RPS6KA1: variants seen among roughly 807,000 people sequenced by gnomAD.
The protein encoded by RPS6KA1 is ribosomal protein S6 kinase A1, also known as ribosomal protein S6 kinase alpha-1.
RPS6KA1 carries 48 observed loss-of-function variants against 91.3 expected under a neutral mutation model. The observed-to-expected ratio is 0.53, with a 90% CI of 0.42 to 0.67. The LOEUF (loss-of-function observed/expected upper bound fraction) is 0.67, where lower values mean the gene tolerates loss of function less well. RPS6KA1 is among the 30% of genes least tolerant of loss of function. The pLI is 0.00. For missense variants in RPS6KA1, 719 were observed against 960.5 expected, an observed-to-expected ratio of 0.75 and a Z score of 3.32; for synonymous variants, 359 against 384.7, an observed-to-expected ratio of 0.93 and a Z score of 0.78.
rs1474539262 is a variant in RPS6KA1, at chr1:26,547,631, C to T, written c.307+361C>T. 6 of 237,826 alleles carry T rather than the reference C, an allele frequency of 2.5e-5. No homozygotes were observed. Among genetic ancestry groups the T allele is most frequent in the South Asian group, 5.0e-5 (1 of 19,806 alleles). The allele number at this position is 237,826 out of a possible 1,614,324, so 14.7% of individuals were successfully genotyped here. A position where few individuals can be genotyped will look rare whatever the true frequency, so the allele number is the denominator to read the frequency against. ...CTAACTCAGGGGCCTGAGAGAAGGG[C>T]GTGAGTGAAGAGGCAGGGAGCCCAG... is the stretch of plus-strand genomic sequence containing the variant. On this transcript the variant is annotated intron_variant, in intron 4 of 21. Transcript: ENST00000374168. The surrounding 1 kb of genome is among the most constrained non-coding windows in gnomAD (Gnocchi z 4.1).
intron 2 of RPS6KA1, among the ~76,000 whole-genome samples, chr1:26,541,742 C>T (rs1446601754): frequency 6.6e-6 from 1 of 152,228 alleles, no homozygotes; most frequent in Non-Finnish European, 1.5e-5. Context: ...GACATCTGTC[C>T]CACTGAGGGA....
At chr1:26,548,618 G>GA (rs1182072159) in intron 4 of RPS6KA1, among the ~76,000 whole-genome samples, 1 of 151,658 alleles carries the variant, frequency 6.6e-6, no homozygotes. Context: ...GCCAACATGG[G>GA]AAAACCCCAT....
At position 26,571,507 on chromosome 1, in the gene RPS6KA1, C is replaced by T; in HGVS notation, c.1649C>T (p.Pro550Leu). 1.2e-6 allele frequency: 2 copies of T among 1,614,200 alleles called. No individual in the cohort carries two copies. Among genetic ancestry groups the T allele is most frequent in the Non-Finnish European group, 1.7e-6 (2 of 1,180,030 alleles). The change falls in exon 18 of 22, where the codon CCC (proline) becomes CTC (leucine). Residue 550 changes from proline to leucine, a missense_variant. Pro to Leu is a moderately conservative substitution (Grantham distance 98, BLOSUM62 -3). Coordinates refer to ENST00000374168, the MANE Select transcript of RPS6KA1 (RefSeq NM_002953.4). The surrounding 1 kb of genome is among the most constrained non-coding windows in gnomAD (Gnocchi z 5.1). Reference sequence around the variant, plus strand: ...CTGTATGTGGACGAGTCCGGGAATCCCGAGTGCCTGCGCATCTGTGACTTT... The same window carrying T: ...CTGTATGTGGACGAGTCCGGGAATCTCGAGTGCCTGCGCATCTGTGACTTT... Reference protein sequence around the residue: ...NILYVDESGNPECLRICDFGF... With the variant: ...NILYVDESGNLECLRICDFGF...
intron 14 of RPS6KA1, 92 bp downstream of exon 14, chr1:26,559,029 C>A: frequency 1.4e-6 from 2 of 1,465,040 alleles, no homozygotes; most frequent in Non-Finnish European, 9.2e-7. Flanking sequence ...AGGTTCATAC[C>A]CTCATGCCAC....
chr1:26,548,342 G>T (rs189199476), intron 4 of RPS6KA1, among the ~76,000 whole-genome samples: 1 of 152,288 alleles, frequency 6.6e-6, no homozygotes, highest in Non-Finnish European at 1.5e-5. Context: ...GCTGGGAGTG[G>T]TGGTGTAGTC....
chr1:26,572,108 C>T, intron 19 of RPS6KA1, 68 bp from the exon 20 acceptor site: 1 of 1,411,300 alleles, frequency 7.1e-7, no homozygotes, highest in Non-Finnish European at 1.0e-6. Context: ...GACACAGTCT[C>T]CCACCGCAGC....
rs565992649 is a variant in RPS6KA1, at chr1:26,554,276, C to T, written c.613+25C>T. Reference sequence around the variant, plus strand: ...GGTGAGTGGAGGGCGCCTGCCCCCTCGGGACCCAGGGGAGGACAGGACAAG... The same window carrying T: ...GGTGAGTGGAGGGCGCCTGCCCCCTTGGGACCCAGGGGAGGACAGGACAAG... On this transcript the variant is annotated intron_variant, in intron 8 of 21. Coordinates refer to ENST00000374168, the MANE Select transcript of RPS6KA1 (RefSeq NM_002953.4). This position sits in a 1 kb window ranked among gnomAD's most constrained non-coding sequence, Gnocchi z 4.6. 1.2e-5 allele frequency: 18 copies of T among 1,554,782 alleles called. 1 individual carries two copies. Among genetic ancestry groups the T allele is most frequent in the South Asian group, 1.1e-4 (9 of 84,244 alleles).
chr1:26,551,511 C>G lies in RPS6KA1; in HGVS notation c.388+34C>G, dbSNP rs1220633357. On this transcript the variant is annotated intron_variant, in intron 5 of 21. Coordinates refer to ENST00000374168, the MANE Select transcript of RPS6KA1 (RefSeq NM_002953.4). The surrounding 1 kb of genome is among the most constrained non-coding windows in gnomAD (Gnocchi z 4.5). ...TCTGGCCCTGCCTGAGCTCCTACCC[C>G]ACCCATCCTTCGCCCTTGCCTGTGG... 4 of 1,609,850 alleles carry G rather than the reference C, an allele frequency of 2.5e-6. No individual in the cohort carries two copies. The highest frequency in any genetic ancestry group is 1.7e-5 in the Admixed American group (1 of 59,990).
At chr1:26,556,917 C>A in intron 12 of RPS6KA1, 81 bp from the exon 13 acceptor site, 1 of 1,258,304 alleles carries the variant, frequency 7.9e-7, no homozygotes, top group Non-Finnish European at 1.2e-6. Flanking sequence ...ATGTTCCAAG[C>A]CCAGCACCTC....
chr1:26,530,005 C>T, intron 1 of RPS6KA1, 22 bp downstream of exon 1: 2 of 1,323,374 alleles, frequency 1.5e-6, no homozygotes, highest in South Asian at 1.8e-5. Context: ...GGGCGGGGGA[C>T]GGGCGCCCGC....
chr1:26,560,734 T>G lies in RPS6KA1; in HGVS notation c.1224T>G (p.His408Gln). 6.2e-7 allele frequency: 1 copy of G among 1,614,152 alleles called. No individual in the cohort carries two copies. The highest frequency in any genetic ancestry group is 1.1e-5 in the South Asian group (1 of 91,086). Reference sequence around the variant, plus strand: ...TTTTTGGTCTCCTACAGCAACTCCATGGGAAGAACCTGGTTTTTAGTGACG... The same window carrying G: ...TTTTTGGTCTCCTACAGCAACTCCAGGGGAAGAACCTGGTTTTTAGTGACG... ...APLHSVVQQLHGKNLVFSDGY... is the reference protein window; with the variant it reads ...APLHSVVQQLQGKNLVFSDGY... Residue 408 changes from histidine (H) to glutamine (Q), a missense_variant, in exon 15 of 22, where the codon CAT (histidine) becomes CAG (glutamine). Coordinates refer to ENST00000374168, the MANE Select transcript of RPS6KA1 (RefSeq NM_002953.4).
Position 26,529,946 on chromosome 1 carries a change from C to G in RPS6KA1, c.26C>G (p.Pro9Arg). The G allele has an allele frequency of 7.0e-7, 1 of 1,433,908 alleles. No individual in the cohort carries two copies. Among genetic ancestry groups the G allele is most frequent in the Non-Finnish European group, 9.1e-7 (1 of 1,094,690 alleles). The allele number at this position is 1,433,908 out of a possible 1,614,324, so 88.8% of individuals were successfully genotyped here. ...ATGCCGCTCGCCCAGCTCAAGGAGC[C>G]CTGGCCGCTCATGGAGCTAGTGCCT... The part of the protein sequence containing the change: MPLAQLKE[P>R]WPLMELVPLD... Residue 9 changes from proline to arginine, a missense_variant, in exon 1 of 22, where the codon CCC becomes CGC. Pro to Arg is a moderately radical substitution (Grantham distance 103, BLOSUM62 -2). Transcript: ENST00000374168. This position sits in a 1 kb window ranked among gnomAD's most constrained non-coding sequence, Gnocchi z 4.2.
In RPS6KA1 at chr1:26,551,608, C is replaced by T. The variant is rs749213790; in HGVS notation, c.389-36C>T. On this transcript the variant is annotated intron_variant, in intron 5 of 21. Transcript: ENST00000374168. This position sits in a 1 kb window ranked among gnomAD's most constrained non-coding sequence, Gnocchi z 4.5. ...GCCGGAGAAGCAGATCATAAGGCCG[C>T]GCCGACTCTACCATTGCCTTTCTCC... 2.2e-5 allele frequency: 35 copies of T among 1,605,722 alleles called. 1 individual carries two copies. The Admixed American group carries it at 3.2e-4, about 15-fold the overall frequency.
chr1:26,563,432 G>A (rs2076171918), intron 17 of RPS6KA1, among the ~76,000 whole-genome samples: 1 of 151,912 alleles, frequency 6.6e-6, no homozygotes, highest in East Asian at 1.9e-4. Context: ...TTGGCTTGTT[G>A]CCCAGGCTGG....
intron 6 of RPS6KA1, 148 bp from the exon 7 acceptor site, chr1:26,553,243 C>A: frequency 1.8e-6 from 1 of 565,074 alleles, no homozygotes; most frequent in East Asian, 3.0e-5. Context: ...ACTTCAAATC[C>A]TTTGTATGAT....
At chr1:26,535,201 T>C (rs2075897430) in intron 1 of RPS6KA1, among the ~76,000 whole-genome samples, 1 of 151,896 alleles carries the variant, frequency 6.6e-6, no homozygotes, top group Non-Finnish European at 1.5e-5. Flanking sequence ...AGTGTGTGTA[T>C]GGATGTGTGC....
intron 6 of RPS6KA1, among the ~76,000 whole-genome samples, chr1:26,552,324 G>C (rs187366489): frequency 2.4e-3 from 347 of 141,872 alleles, no homozygotes; most frequent in Non-Finnish European, 4.1e-3. Flanking sequence ...GGAGGCAGAG[G>C]TTGCAGTGAG....
chr1:26,539,457 G>T (rs757084793), intron 2 of RPS6KA1, among the ~76,000 whole-genome samples: 3 of 152,130 alleles, frequency 2.0e-5, no homozygotes, highest in Non-Finnish European at 4.4e-5. Context: ...TCAGAATCCT[G>T]CACCTATTTT....
chr1:26,563,253 G>A (rs60984622), intron 17 of RPS6KA1, among the ~76,000 whole-genome samples: 4,803 of 151,014 alleles, frequency 0.032, 226 homozygotes, highest in African/African-American at 0.11. Flanking sequence ...TTGAGACAGG[G>A]TCTCACTCTG....
Sources: gnomAD v4.1 joint callset for allele counts (sites outside exome capture counted in the v4.1 genomes callset) on GRCh38, gnomAD v4.1.1 for gene constraint, Gnocchi (gnomAD v3.1) non-coding constraint, MANE v1.5 for transcripts, NCBI Gene and HGNC (gene_info 2026-07-23, HGNC 2026-07-21) for gene names.